The following ANO3 variants were observed in gnomAD, a reference collection of about 807,000 sequenced individuals.
The protein encoded by ANO3 is anoctamin-3.
Under a neutral mutation model 144.8 loss-of-function variants are expected in ANO3, and 99 were observed. That is an observed-to-expected ratio of 0.68 (90% CI 0.58 to 0.81). The LOEUF (loss-of-function observed/expected upper bound fraction) is 0.81, where lower values mean the gene tolerates loss of function less well. Among genes scored for constraint, ANO3 ranks in the 30% least tolerant of loss-of-function variants. The pLI is 0.00. For missense variants in ANO3, 905 were observed against 1,202.2 expected, an observed-to-expected ratio of 0.75 and a Z score of 3.66; for synonymous variants, 414 against 392.6, an observed-to-expected ratio of 1.05 and a Z score of -0.64.
intron 1 of ANO3, among the ~76,000 whole-genome samples, chr11:26,193,636 G>A (rs982209090): frequency 6.6e-6 from 1 of 152,084 alleles, no homozygotes; most frequent in African/African-American, 2.4e-5. Flanking sequence ...CCTTCAGTAT[G>A]AGCAGAAAGT....
intron 3 of ANO3, among the ~76,000 whole-genome samples, chr11:26,451,784 C>A (rs979468841): frequency 6.6e-6 from 1 of 152,236 alleles, no homozygotes; most frequent in Non-Finnish European, 1.5e-5. Flanking sequence ...ACTGCCTCCT[C>A]AAGTGGGTCC....
intron 8 of ANO3, among the ~76,000 whole-genome samples, chr11:26,531,750 GCTAT>G (rs1849377003): frequency 6.6e-6 from 1 of 151,928 alleles, no homozygotes; most frequent in South Asian, 2.1e-4. Context: ...TATTAATTAA[GCTAT>G]CTATTTTAGT....
At chr11:26,598,768 G>A (rs570884459) in intron 15 of ANO3, 90 bp from the exon 16 acceptor site, 5 of 1,349,500 alleles carry the variant, frequency 3.7e-6, no homozygotes, top group Non-Finnish European at 5.0e-6. Flanking sequence ...ACAAAAGTAG[G>A]CCAAATTTAG....
chr11:26,203,854 T>C (rs1317341168), intron 1 of ANO3, among the ~76,000 whole-genome samples: 2 of 152,082 alleles, frequency 1.3e-5, no homozygotes, highest in African/African-American at 2.4e-5. Flanking sequence ...TCTTCTCTTC[T>C]TGGGACTGGA....
chr11:26,452,023 G>A (rs1182213088), intron 3 of ANO3, among the ~76,000 whole-genome samples: 1 of 152,132 alleles, frequency 6.6e-6, no homozygotes, highest in Non-Finnish European at 1.5e-5. Context: ...TGCAGCTGAG[G>A]GTCCTGTCTG....
intron 6 of ANO3, among the ~76,000 whole-genome samples, chr11:26,524,921 CT>C (rs1044555774): frequency 1.3e-5 from 2 of 152,120 alleles, no homozygotes; most frequent in African/African-American, 4.8e-5. Context: ...TATGCTGCTA[CT>C]ACCTTTGTCT....
intron 14 of ANO3, among the ~76,000 whole-genome samples, chr11:26,595,889 A>T (rs1216367504): frequency 1.3e-5 from 2 of 152,156 alleles, no homozygotes; most frequent in African/African-American, 4.8e-5. Context: ...GGTTTCCTCT[A>T]AAGGTTATTT....
At chr11:26,520,267 T>G (rs117240184) in intron 6 of ANO3, among the ~76,000 whole-genome samples, 16,708 of 152,190 alleles carry the variant, frequency 0.11, 1,277 homozygotes, top group Admixed American at 0.15. Context: ...TTGAAGAGGA[T>G]GTTTTCTTGA....
At chr11:26,329,882 G>C (rs1854993461), upstream of ANO3, among the ~76,000 whole-genome samples, 1 of 151,082 alleles carries the variant, frequency 6.6e-6, no homozygotes, top group South Asian at 2.1e-4. Flanking sequence ...GTGCGATCTA[G>C]GCTCACCGCA....
intron 1 of ANO3, among the ~76,000 whole-genome samples, chr11:26,281,182 T>A (rs1488617956): frequency 6.6e-6 from 1 of 152,170 alleles, no homozygotes; most frequent in African/African-American, 2.4e-5. Flanking sequence ...AAAGGCTAAG[T>A]AATTTGTCCA....
At chr11:26,569,291 G>A (rs1850724822) in intron 14 of ANO3, among the ~76,000 whole-genome samples, 2 of 152,114 alleles carry the variant, frequency 1.3e-5, no homozygotes, top group African/African-American at 4.8e-5. Context: ...CCCAGGAAAA[G>A]GAGAGAAATG....
intron 6 of ANO3, among the ~76,000 whole-genome samples, chr11:26,522,560 A>C (rs1057011814): frequency 7.9e-5 from 12 of 152,314 alleles, no homozygotes; most frequent in Admixed American, 7.8e-4. Flanking sequence ...AGGGAAAAAT[A>C]AAGCACCGTA....
At chr11:26,658,348 T>A (rs1412330548) in intron 26 of ANO3, among the ~76,000 whole-genome samples, 1 of 152,190 alleles carries the variant, frequency 6.6e-6, no homozygotes, top group Admixed American at 6.5e-5. Flanking sequence ...GTGTGGTGGC[T>A]CACGCCTGTA....
chr11:26,585,978 A>T (rs114846885), intron 14 of ANO3, among the ~76,000 whole-genome samples: 1,798 of 152,300 alleles, frequency 0.012, 37 homozygotes, highest in African/African-American at 0.041. Context: ...TGGAAGTCAA[A>T]ACAAAATGAC....
intron 3 of ANO3, among the ~76,000 whole-genome samples, chr11:26,458,371 C>T (rs1307201079): frequency 2.0e-5 from 3 of 151,932 alleles, no homozygotes; most frequent in East Asian, 1.9e-4. Flanking sequence ...TAAATTCTGC[C>T]GTTATGATAC....
chr11:26,565,724 T>C (rs1240554451), intron 14 of ANO3: 1 of 1,605,980 alleles, frequency 6.2e-7, no homozygotes. Context: ...AAGAAATAGG[T>C]TTATTTTCCA....
chr11:26,647,786 G>C lies in ANO3; in HGVS notation c.2506G>C (p.Asp836His), dbSNP rs1853397716. 1 of 1,613,214 alleles carries C rather than the reference G, an allele frequency of 6.2e-7. No individual in the cohort carries two copies. Among genetic ancestry groups the C allele is most frequent in the Non-Finnish European group, 8.5e-7 (1 of 1,179,538 alleles). ...TGCATTTGTAATTGCTATTACTTCTGATTACATCCCACGTTTTGTTTATGA... is the reference window on the plus strand; with the variant it reads ...TGCATTTGTAATTGCTATTACTTCTCATTACATCCCACGTTTTGTTTATGA... ...TNAFVIAITS[D>H]YIPRFVYEYK... The change falls in exon 24 of 27, where the codon GAT (aspartate) becomes CAT (histidine). Residue 836 changes from aspartate to histidine, a missense_variant. Coordinates refer to ENST00000256737, the MANE Select transcript of ANO3 (RefSeq NM_031418.4).
chr11:26,209,787 C>T (rs1851894116), intron 1 of ANO3, among the ~76,000 whole-genome samples: 1 of 151,720 alleles, frequency 6.6e-6, no homozygotes, highest in Non-Finnish European at 1.5e-5. Flanking sequence ...TAAATATCTT[C>T]TTTTGATAAG....
intron 17 of ANO3, among the ~76,000 whole-genome samples, chr11:26,618,737 C>A (rs561996332): frequency 6.6e-6 from 1 of 152,130 alleles, no homozygotes; most frequent in East Asian, 1.9e-4. Context: ...TTTTGCTTGT[C>A]CCCCAGGGAA....
Sources: gnomAD v4.1 joint callset for allele counts (sites outside exome capture counted in the v4.1 genomes callset) on GRCh38, gnomAD v4.1.1 for gene constraint, MANE v1.5 for transcripts, NCBI Gene and HGNC (gene_info 2026-07-23, HGNC 2026-07-21) for gene names.